KCNIP1: variants seen among roughly 807,000 people sequenced by gnomAD.
KCNIP1 encodes A-type potassium channel modulatory protein KCNIP1.
KCNIP1 carries 18 observed loss-of-function variants against 33.0 expected under a neutral mutation model. The observed-to-expected ratio is 0.55, with a 90% confidence interval of 0.38 to 0.81. The LOEUF is 0.81. KCNIP1 is among the 30% of genes least tolerant of loss of function. The probability of loss-of-function intolerance (pLI) is 0.00; values close to 1 mark genes in which losing one functional copy is unlikely to be tolerated. For missense variants in KCNIP1, 238 were observed against 271.6 expected (o/e 0.88, Z 0.87); for synonymous variants, 93 against 98.3 (o/e 0.95, Z 0.32).
chr5:170,378,930 C>T lies in KCNIP1; in HGVS notation c.88+24966C>T, dbSNP rs199779409. ...GGCTCTGACCTTCTCCACGTCGGCC[C>T]GGGCCGTCTGGTAATTGTCCACGCT... On this transcript the variant is annotated intron_variant, in intron 1 of 7. Transcript: ENST00000377360. The T allele has an allele frequency of 2.4e-5, 38 of 1,614,138 alleles. No homozygotes were observed. The East Asian group carries it at 3.6e-4, about 15-fold the overall frequency.
chr5:170,450,081 G>C (rs543095038), intron 1 of KCNIP1, among the ~76,000 whole-genome samples: 3 of 152,084 alleles, frequency 2.0e-5, no homozygotes, highest in Admixed American at 2.0e-4. Context: ...TCCATGCTCA[G>C]GACTGCTCTC....
chr5:170,491,806 A>G (rs1290023354), intron 1 of KCNIP1, among the ~76,000 whole-genome samples: 7 of 152,198 alleles, frequency 4.6e-5, no homozygotes, highest in African/African-American at 1.7e-4. Flanking sequence ...CCTGAGTTGC[A>G]GTCCCAGCTC....
chr5:170,382,749 C>T (rs1329892192), intron 1 of KCNIP1: 2 of 151,588 alleles, frequency 1.3e-5, no homozygotes, highest in African/African-American at 2.4e-5. Flanking sequence ...TCTGATACCC[C>T]CATCATTGTC....
At chr5:170,720,636 A>G (rs1333222928) in intron 3 of KCNIP1, among the ~76,000 whole-genome samples, 2 of 152,230 alleles carry the variant, frequency 1.3e-5, no homozygotes, top group Non-Finnish European at 2.9e-5. Flanking sequence ...GTCTCAGAAC[A>G]GCTCTAGAAA....
chr5:170,610,246 A>C (rs1354224504), intron 1 of KCNIP1, among the ~76,000 whole-genome samples: 1 of 152,234 alleles, frequency 6.6e-6, no homozygotes, highest in Non-Finnish European at 1.5e-5. Context: ...TTATGTTAGA[A>C]TAAATACACA....
chr5:170,691,532 C>A (rs1356764305), intron 1 of KCNIP1, among the ~76,000 whole-genome samples: 3 of 152,164 alleles, frequency 2.0e-5, no homozygotes, highest in Non-Finnish European at 4.4e-5. Flanking sequence ...ACCCACCTTG[C>A]AGGATACTGG....
chr5:170,633,761 G>T, intron 1 of KCNIP1, among the ~76,000 whole-genome samples: 1 of 113,062 alleles, frequency 8.8e-6, no homozygotes. Flanking sequence ...GCGGGGCGGA[G>T]GGGGGATGGG....
chr5:170,611,255 C>A (rs1759140614), intron 1 of KCNIP1, among the ~76,000 whole-genome samples: 2 of 152,166 alleles, frequency 1.3e-5, no homozygotes. Context: ...TGGTTCAAGC[C>A]CCTAGTTTAT....
At chr5:170,556,758 C>T (rs779634086) in intron 1 of KCNIP1, among the ~76,000 whole-genome samples, 3 of 152,200 alleles carry the variant, frequency 2.0e-5, no homozygotes, top group Non-Finnish European at 2.9e-5. Flanking sequence ...GTTCCAGAAC[C>T]TTAGCTGTGA....
chr5:170,450,901 G>A (rs907605686), intron 1 of KCNIP1, among the ~76,000 whole-genome samples: 4 of 152,248 alleles, frequency 2.6e-5, no homozygotes, highest in South Asian at 2.1e-4. Context: ...TGGCTGACAC[G>A]TTCAGTGCTC....
intron 1 of KCNIP1, among the ~76,000 whole-genome samples, chr5:170,399,155 G>T (rs1028450127): frequency 7.9e-5 from 12 of 152,192 alleles, no homozygotes; most frequent in Middle Eastern, 3.2e-3. Flanking sequence ...CAATGACCAT[G>T]AATCTTTTAC....
chr5:170,710,625 G>C (rs567163936), intron 1 of KCNIP1, among the ~76,000 whole-genome samples: 1 of 152,216 alleles, frequency 6.6e-6, no homozygotes, highest in Non-Finnish European at 1.5e-5. Flanking sequence ...CAGGGACTGA[G>C]CTGTTTTCAT....
chr5:170,426,857 G>C (rs1755626753), intron 1 of KCNIP1, among the ~76,000 whole-genome samples: 1 of 152,270 alleles, frequency 6.6e-6, no homozygotes, highest in African/African-American at 2.4e-5. Flanking sequence ...CAGAAAGAAA[G>C]CCATGTTTTG....
At chr5:170,509,663 T>G (rs1754859426) in intron 1 of KCNIP1, among the ~76,000 whole-genome samples, 2 of 152,194 alleles carry the variant, frequency 1.3e-5, no homozygotes, top group South Asian at 4.1e-4. Context: ...ACCACATGAA[T>G]GAATGAATAT....
At chr5:170,432,089 A>G (rs1489046318) in intron 1 of KCNIP1, among the ~76,000 whole-genome samples, 2 of 151,792 alleles carry the variant, frequency 1.3e-5, no homozygotes, top group Non-Finnish European at 2.9e-5. Context: ...TTTTCATATA[A>G]AAAAGCAAGT....
intron 1 of KCNIP1, among the ~76,000 whole-genome samples, chr5:170,548,186 AT>A (rs536248464): frequency 2.0e-4 from 31 of 152,304 alleles, no homozygotes; most frequent in Admixed American, 9.8e-4. Context: ...CTGCTAAGAC[AT>A]TTTTATAGTG....
chr5:170,547,552 A>G (rs9637851), intron 1 of KCNIP1, among the ~76,000 whole-genome samples: 36,819 of 151,930 alleles, frequency 0.24, 6,963 homozygotes, highest in African/African-American at 0.53. Flanking sequence ...GGGCCCCAGT[A>G]TGCATTGTTC....
At chr5:170,560,769 T>C (rs868112893) in intron 1 of KCNIP1, among the ~76,000 whole-genome samples, 6 of 152,134 alleles carry the variant, frequency 3.9e-5, no homozygotes, top group Non-Finnish European at 8.8e-5. Context: ...TGCCTTTCTT[T>C]GTCATGTCTT....
chr5:170,455,022 A>G (rs1340555667), intron 1 of KCNIP1, among the ~76,000 whole-genome samples: 1 of 152,258 alleles, frequency 6.6e-6, no homozygotes, highest in Non-Finnish European at 1.5e-5. Flanking sequence ...AGATACCACA[A>G]TTATAAACAA....
Sources: gnomAD v4.1 joint callset for allele counts (sites outside exome capture counted in the v4.1 genomes callset) on GRCh38, gnomAD v4.1.1 for gene constraint, MANE v1.5 for transcripts, NCBI Gene and HGNC (gene_info 2026-07-23, HGNC 2026-07-21) for gene names.